MARCHF1: variants seen among roughly 807,000 people sequenced by gnomAD.
MARCHF1 encodes the protein membrane associated ring-CH-type finger 1, also known as E3 ubiquitin-protein ligase MARCHF1.
In MARCHF1, 40 loss-of-function variants were observed where a neutral mutation model predicts 54.2. The ratio of observed to expected loss-of-function variants is 0.74; its 90% CI spans 0.57 to 0.96. MARCHF1 has a LOEUF of 0.96. Among genes scored for constraint, MARCHF1 ranks in the 40% least tolerant of loss-of-function variants. The pLI, the probability that MARCHF1 is intolerant of heterozygous loss-of-function variation, is 0.00. For synonymous variants in MARCHF1, 236 were observed against 236.3 expected (o/e 1.00, Z 0.01); for missense variants, 586 against 656.5 (o/e 0.89, Z 1.17).
At chr4:164,163,010 C>G (rs1480205136) in intron 1 of MARCHF1, among the ~76,000 whole-genome samples, 1 of 151,872 alleles carries the variant, frequency 6.6e-6, no homozygotes, top group African/African-American at 2.4e-5. Context: ...AAAAGTCAGC[C>G]TGGAATTCTA....
intron 3 of MARCHF1, among the ~76,000 whole-genome samples, chr4:163,925,258 C>A (rs1751512982): frequency 6.6e-6 from 1 of 151,640 alleles, no homozygotes; most frequent in Admixed American, 6.6e-5. Context: ...TTATTCATAC[C>A]CGAAGCCATT....
chr4:163,553,049 A>AAAAG (rs1553991329), intron 8 of MARCHF1, among the ~76,000 whole-genome samples: 4 of 149,952 alleles, frequency 2.7e-5, no homozygotes, highest in East Asian at 2.1e-4. Context: ...AAAAAAAAAA[A>AAAAG]AAGAAGAATG....
rs1282226498 is a variant in MARCHF1, at chr4:163,528,891, C to G, written c.1495G>C (p.Asp499His). The change falls in exon 10 of 10, where the codon GAC becomes CAC. Residue 499 changes from aspartate (D) to histidine (H), a missense_variant. By Grantham distance (81) the Asp-to-His change is moderately conservative (BLOSUM62 -1). This residue lies in a region of MARCHF1 where 106 missense variants were observed against 93.8 expected (regional missense o/e 1.13). Transcript: ENST00000514618. The stretch of plus-strand genomic sequence containing the variant: ...TTCTTCTCCAGTTTTTTGGCAGTGT[C>G]TGGGCAATTTTGTACAAAGATCACA... ...NRVIFVQNCPDTAKKLEKNFS... is the reference protein window; with the variant it reads ...NRVIFVQNCPHTAKKLEKNFS... The G allele has an allele frequency of 6.2e-7, 1 of 1,613,364 alleles. No homozygotes were observed.
intron 3 of MARCHF1, among the ~76,000 whole-genome samples, chr4:163,879,116 A>G (rs1356643861): frequency 1.3e-5 from 2 of 152,224 alleles, no homozygotes; most frequent in Non-Finnish European, 2.9e-5. Context: ...CTTTAAGGCA[A>G]TCGTGAAAGA....
chr4:163,545,564 C>A, intron 9 of MARCHF1, 32 bp downstream of exon 9: 1 of 1,600,060 alleles, frequency 6.2e-7, no homozygotes, highest in Non-Finnish European at 8.5e-7. Flanking sequence ...TCTTTAGGAT[C>A]CAAGAGGGTA....
chr4:164,274,020 A>T (rs1733808076), intron 1 of MARCHF1, among the ~76,000 whole-genome samples: 1 of 120,168 alleles, frequency 8.3e-6, no homozygotes, highest in Non-Finnish European at 2.0e-5. Flanking sequence ...AAAGTCCCCT[A>T]ATCCTCCAAA....
At chr4:164,135,111 T>C (rs994220384) in intron 1 of MARCHF1, among the ~76,000 whole-genome samples, 4 of 152,232 alleles carry the variant, frequency 2.6e-5, no homozygotes, top group Non-Finnish European at 5.9e-5. Context: ...TTCTTACTTC[T>C]ATTTTATGTA....
chr4:163,775,532 C>T (rs893717045), intron 4 of MARCHF1, among the ~76,000 whole-genome samples: 4 of 151,964 alleles, frequency 2.6e-5, no homozygotes, highest in African/African-American at 9.7e-5. Flanking sequence ...ATGCATTGTG[C>T]GACTGGGTCC....
chr4:164,059,375 T>G (rs1754565246), intron 2 of MARCHF1, among the ~76,000 whole-genome samples: 1 of 152,202 alleles, frequency 6.6e-6, no homozygotes, highest in South Asian at 2.1e-4. Flanking sequence ...GGTAGAATGC[T>G]TCAAGACAAG....
chr4:163,727,654 C>T (rs1307046395), intron 4 of MARCHF1, among the ~76,000 whole-genome samples: 1 of 150,982 alleles, frequency 6.6e-6, no homozygotes, highest in East Asian at 2.0e-4. Flanking sequence ...TATGCTTGCA[C>T]CATTTGTTGA....
chr4:163,629,713 G>C (rs1742004208), intron 5 of MARCHF1, among the ~76,000 whole-genome samples: 1 of 152,216 alleles, frequency 6.6e-6, no homozygotes, highest in Middle Eastern at 3.4e-3. Context: ...GGATAACATT[G>C]GGTGAAATAC....
chr4:163,950,773 C>G (rs1433104811), intron 3 of MARCHF1, among the ~76,000 whole-genome samples: 2 of 152,206 alleles, frequency 1.3e-5, no homozygotes, highest in Non-Finnish European at 2.9e-5. Context: ...TTAGGGAGAT[C>G]AAACATACTA....
intron 5 of MARCHF1, among the ~76,000 whole-genome samples, chr4:163,686,540 T>G (rs1469178142): frequency 6.6e-6 from 1 of 150,576 alleles, no homozygotes; most frequent in Non-Finnish European, 1.5e-5. Context: ...TCTTCAAATC[T>G]CCTTTAACTA....
chr4:164,136,048 A>G (rs1219637177), intron 1 of MARCHF1, among the ~76,000 whole-genome samples: 1 of 152,130 alleles, frequency 6.6e-6, no homozygotes, highest in East Asian at 1.9e-4. Flanking sequence ...ATACAGTTAT[A>G]CACATATTTT....
chr4:163,895,004 T>TGC (rs1394927512), intron 3 of MARCHF1, among the ~76,000 whole-genome samples: 1 of 134,238 alleles, frequency 7.4e-6, no homozygotes, highest in African/African-American at 2.7e-5. Context: ...ATGCATGTGA[T>TGC]ACACATACAC....
At chr4:164,121,696 C>G (rs1444986554) in intron 1 of MARCHF1, among the ~76,000 whole-genome samples, 1 of 152,072 alleles carries the variant, frequency 6.6e-6, no homozygotes, top group Non-Finnish European at 1.5e-5. Context: ...GATCAAAACT[C>G]TAGTAAAAAG....
chr4:163,733,177 G>GTATATATA (rs1169850987), intron 4 of MARCHF1, among the ~76,000 whole-genome samples: 1 of 17,548 alleles, frequency 5.7e-5, no homozygotes, highest in African/African-American at 2.5e-4. Flanking sequence ...CTGTATGTGT[G>GTATATATA]TATATATATA....
At chr4:163,783,875 A>G (rs1747538918) in intron 4 of MARCHF1, among the ~76,000 whole-genome samples, 1 of 152,212 alleles carries the variant, frequency 6.6e-6, no homozygotes, top group Admixed American at 6.5e-5. Context: ...TATTTCTCCT[A>G]GAACTATAGG....
At chr4:164,284,251 G>T (rs986757342) in intron 1 of MARCHF1, among the ~76,000 whole-genome samples, 1 of 150,436 alleles carries the variant, frequency 6.6e-6, no homozygotes, top group Non-Finnish European at 1.5e-5. Context: ...TGTAAGTATA[G>T]GCCAAATGAA....
Sources: gnomAD v4.1 joint callset for allele counts (sites outside exome capture counted in the v4.1 genomes callset) on GRCh38, gnomAD v4.1.1 for gene constraint, gnomAD v4.1.1 regional missense constraint, MANE v1.5 for transcripts, NCBI Gene and HGNC (gene_info 2026-07-23, HGNC 2026-07-21) for gene names.